KPNB1: variants seen among roughly 807,000 people sequenced by gnomAD.
KPNB1 encodes karyopherin subunit beta 1, also known as importin subunit beta-1.
A neutral mutation model predicts 113.0 loss-of-function variants in KPNB1; 7 were observed. The ratio of observed to expected loss-of-function variants is 0.06; its 90% CI spans 0.04 to 0.12. The LOEUF is 0.12. Among genes scored for constraint, KPNB1 ranks in the 10% least tolerant of loss-of-function variants. The pLI, the probability that KPNB1 is intolerant of heterozygous loss-of-function variation, is 1.00. For synonymous variants in KPNB1, 363 were observed against 378.6 expected (o/e 0.96, Z 0.48); for missense variants, 400 against 1,054.8 (o/e 0.38, Z 8.60).
intron 9 of KPNB1, 58 bp downstream of exon 9, chr17:47,665,216 G>A: frequency 7.3e-7 from 1 of 1,370,924 alleles, no homozygotes. Flanking sequence ...AGAGTAAACT[G>A]TGGAAACTTT....
intron 17 of KPNB1, 151 bp from the exon 18 acceptor site, chr17:47,677,895 G>A (rs1317445567): frequency 1.3e-5 from 9 of 704,818 alleles, no homozygotes; most frequent in Non-Finnish European, 2.1e-5. Context: ...CTTAGAGTTG[G>A]TGTGAGGTGC....
At position 47,652,886 on chromosome 17, in the gene KPNB1, G is replaced by A. The variant is rs112422583; in HGVS notation, c.282+10G>A. The A allele has an allele frequency of 2.9e-3, 4,433 of 1,550,612 alleles. 124 individuals carry two copies. In the African/African-American group the frequency reaches 0.055, roughly 19 times the overall value. ...AGAAGTCAAGAACTATGTGAGTAAC[G>A]CTTATCTGTTTGGTTATATTGCCCA... On this transcript the variant is annotated intron_variant, in intron 3 of 21. Transcript: ENST00000290158.
At position 47,665,174 on chromosome 17, in the gene KPNB1, A is replaced by G. The variant is rs1217336417; in HGVS notation, c.999+16A>G. 8.2e-6 allele frequency: 13 copies of G among 1,583,678 alleles called. No homozygotes were observed. The highest frequency in any genetic ancestry group is 1.3e-5 in the African/African-American group (1 of 74,270). ...AACTAAACAGGTGAGTTACCTTCCA[A>G]ATATAGGTAGGTAAGCTGTGGAACC... On this transcript the variant is annotated intron_variant, in intron 9 of 21. Coordinates refer to ENST00000290158, the MANE Select transcript of KPNB1 (RefSeq NM_002265.6).
rs1597945791 is a variant in KPNB1, at chr17:47,685,474, C to T, written c.*3070C>T. On this transcript the variant is annotated 3_prime_UTR_variant, in exon 22 of 22. Coordinates refer to ENST00000290158, the MANE Select transcript of KPNB1 (RefSeq NM_002265.6). ...AACCGATAACCACCACCTTTATCTT[C>T]TAAATAAAGTCCGCTTTATTTTTAT... 1 of 149,926 alleles carries T rather than the reference C, an allele frequency of 6.7e-6. No homozygotes were observed. Among genetic ancestry groups the T allele is most frequent in the Non-Finnish European group, 1.5e-5 (1 of 67,660 alleles). 9.3% of individuals were successfully genotyped at this position (149,926 alleles called of 1,614,324 possible).
intron 5 of KPNB1, among the ~76,000 whole-genome samples, chr17:47,659,433 G>C (rs997334274): frequency 1.2e-4 from 19 of 152,170 alleles, no homozygotes; most frequent in Admixed American, 1.2e-3. Context: ...TTTTAAGATT[G>C]TGTGAATCTT....
At chr17:47,660,206 A>T (rs575366714) in intron 5 of KPNB1, among the ~76,000 whole-genome samples, 14 of 152,178 alleles carry the variant, frequency 9.2e-5, no homozygotes, top group Non-Finnish European at 1.5e-4. Context: ...CGTAAGTGGA[A>T]TCATATTTGT....
rs1161487053 is a variant in KPNB1, at chr17:47,665,080, T to C, written c.921T>C (p.Pro307=). Residue 307 remains proline, a synonymous_variant, in exon 9 of 22, where the codon CCT becomes CCC. Coordinates refer to ENST00000290158, the MANE Select transcript of KPNB1 (RefSeq NM_002265.6). ...ASEAAEQGRP[P]EHTSKFYAKG... Reference sequence around the variant, plus strand: ...AGGCAGCAGAACAAGGACGGCCCCCTGAGCACACCAGCAAGTTTTATGCGA... The same window carrying C: ...AGGCAGCAGAACAAGGACGGCCCCCCGAGCACACCAGCAAGTTTTATGCGA... 2 of 1,614,198 alleles carry C rather than the reference T, an allele frequency of 1.2e-6. No individual in the cohort carries two copies. Among genetic ancestry groups the C allele is most frequent in the South Asian group, 2.2e-5 (2 of 91,088 alleles).
intron 6 of KPNB1, 112 bp from the exon 7 acceptor site, chr17:47,662,977 T>G: frequency 1.4e-6 from 1 of 739,220 alleles, no homozygotes; most frequent in Non-Finnish European, 2.5e-6. Context: ...TGATAACGTA[T>G]CCCATATTTA....
chr17:47,662,467 G>A (rs1042641106), intron 6 of KPNB1, among the ~76,000 whole-genome samples: 7 of 151,902 alleles, frequency 4.6e-5, no homozygotes, highest in African/African-American at 1.5e-4. Flanking sequence ...TCCTAGCTAC[G>A]TGGGAGGCTG....
chr17:47,661,023 G>T lies in KPNB1; in HGVS notation c.637-96G>T, dbSNP rs376894108. ...AGGCAGGGCTGTGTGGGGCCCTGAG[G>T]GGGAGTGAGAGGTTTTCCTTGTAGA... is the stretch of plus-strand genomic sequence containing the variant. On this transcript the variant is annotated intron_variant, in intron 5 of 21. Coordinates refer to ENST00000290158, the MANE Select transcript of KPNB1 (RefSeq NM_002265.6). 76 of 904,706 alleles carry T rather than the reference G, an allele frequency of 8.4e-5. 1 individual carries two copies. The African/African-American group carries it at 1.0e-3, about 12-fold the overall frequency. The allele number at this position is 904,706 out of a possible 1,614,324, so 56.0% of individuals were successfully genotyped here.
chr17:47,649,933 C>G lies in KPNB1; in HGVS notation c.-312C>G. 1 of 1,285,604 alleles carries G rather than the reference C, an allele frequency of 7.8e-7. No individual in the cohort carries two copies. The highest frequency in any genetic ancestry group is 9.8e-7 in the Non-Finnish European group (1 of 1,017,698). The allele number at this position is 1,285,604 out of a possible 1,614,324, so 79.6% of individuals were successfully genotyped here. ...CCTCCCTCGCTCCCTCCCTGCGCGCCGCCTCTCACTCACAGCCTCCCTTCC... is the reference window on the plus strand; with the variant it reads ...CCTCCCTCGCTCCCTCCCTGCGCGCGGCCTCTCACTCACAGCCTCCCTTCC... On this transcript the variant is annotated 5_prime_UTR_variant, in exon 1 of 22. Transcript: ENST00000290158.
rs1040309280 is a variant in KPNB1, at chr17:47,684,383, C to T, written c.*1979C>T. On this transcript the variant is annotated 3_prime_UTR_variant, in exon 22 of 22. Coordinates refer to ENST00000290158, the MANE Select transcript of KPNB1 (RefSeq NM_002265.6). ...AAAATCCAGGTATTTGAAGGAGAGACGCTCCATTGTGAATAAAGAGCTCAT... is the reference window on the plus strand; with the variant it reads ...AAAATCCAGGTATTTGAAGGAGAGATGCTCCATTGTGAATAAAGAGCTCAT... The T allele has an allele frequency of 9.2e-5, 14 of 151,832 alleles. No homozygotes were observed. The highest frequency in any genetic ancestry group is 7.9e-4 in the Admixed American group (12 of 15,254). The allele number at this position is 151,832 out of a possible 1,614,324, so 9.4% of individuals were successfully genotyped here. A position where few individuals can be genotyped will look rare whatever the true frequency, so the allele number is the denominator to read the frequency against.
At chr17:47,664,912 C>G in intron 8 of KPNB1, 145 bp from the exon 9 acceptor site, 1 of 646,878 alleles carries the variant, frequency 1.5e-6, no homozygotes, top group Non-Finnish European at 2.7e-6. Context: ...AAAAAATTAG[C>G]ACTTTCCAAG....
chr17:47,654,284 G>A (rs1915658550), intron 3 of KPNB1, among the ~76,000 whole-genome samples: 1 of 152,038 alleles, frequency 6.6e-6, no homozygotes, highest in Admixed American at 6.6e-5. Flanking sequence ...CTGTGGCGGT[G>A]GATACCTGTA....
At chr17:47,677,329 G>A (rs188943897) in intron 17 of KPNB1, among the ~76,000 whole-genome samples, 92 of 151,970 alleles carry the variant, frequency 6.1e-4, no homozygotes, top group African/African-American at 1.8e-3. Flanking sequence ...AAAATTAGCC[G>A]GGCGTGATGG....
In KPNB1 at chr17:47,649,931, G is replaced by T. The variant is rs1054269811; in HGVS notation, c.-314G>T. On this transcript the variant is annotated 5_prime_UTR_variant, in exon 1 of 22. Coordinates refer to ENST00000290158, the MANE Select transcript of KPNB1 (RefSeq NM_002265.6). Reference sequence around the variant, plus strand: ...TCCCTCCCTCGCTCCCTCCCTGCGCGCCGCCTCTCACTCACAGCCTCCCTT... The same window carrying T: ...TCCCTCCCTCGCTCCCTCCCTGCGCTCCGCCTCTCACTCACAGCCTCCCTT... 18 of 1,268,840 alleles carry T rather than the reference G, an allele frequency of 1.4e-5. No homozygotes were observed. Among genetic ancestry groups the T allele is most frequent in the Middle Eastern group, 2.9e-4 (1 of 3,390 alleles). 78.6% of individuals were successfully genotyped at this position (1,268,840 alleles called of 1,614,324 possible).
intron 9 of KPNB1, among the ~76,000 whole-genome samples, chr17:47,667,457 A>G (rs1279797909): frequency 6.6e-6 from 1 of 150,542 alleles, no homozygotes; most frequent in Non-Finnish European, 1.5e-5. Flanking sequence ...TGATTGAATC[A>G]TGTCTTCTTC....
At chr17:47,654,904 CA>C (rs1365170065) in intron 3 of KPNB1, among the ~76,000 whole-genome samples, 4 of 152,158 alleles carry the variant, frequency 2.6e-5, no homozygotes, top group Non-Finnish European at 5.9e-5. Context: ...GTGTCTTTGA[CA>C]TACCGTTTTT....
chr17:47,677,157 AGTC>A lies in KPNB1; in HGVS notation c.2103+31_2103+33del, dbSNP rs759408016. On this transcript the variant is annotated intron_variant, in intron 17 of 21. Coordinates refer to ENST00000290158, the MANE Select transcript of KPNB1 (RefSeq NM_002265.6). Reference sequence around the variant, plus strand: ...GTATCTACACACAATCTAATTAACCAGTCTTCTTTGAAGAAAACAACAGTTGGA... The same window carrying A: ...GTATCTACACACAATCTAATTAACCATTCTTTGAAGAAAACAACAGTTGGA... 54 of 1,469,966 alleles carry A rather than the reference AGTC, an allele frequency of 3.7e-5. 1 individual carries two copies. In the Admixed American group the frequency reaches 9.0e-4, roughly 25 times the overall value. 91.1% of individuals were successfully genotyped at this position (1,469,966 alleles called of 1,614,324 possible).
Sources: gnomAD v4.1 joint callset for allele counts (sites outside exome capture counted in the v4.1 genomes callset) on GRCh38, gnomAD v4.1.1 for gene constraint, MANE v1.5 for transcripts, NCBI Gene and HGNC (gene_info 2026-07-23, HGNC 2026-07-21) for gene names.